Variants in CTRB1 observed in about 807,000 individuals in gnomAD.
CTRB1 encodes the protein chymotrypsinogen B.
CTRB1 carries 15 observed loss-of-function variants against 20.4 expected under a neutral mutation model. The ratio of observed to expected loss-of-function variants is 0.74; its 90% CI spans 0.49 to 1.13. The LOEUF is 1.13. CTRB1 is among the 50% of genes most tolerant of loss of function. The pLI, the probability that CTRB1 is intolerant of heterozygous loss-of-function variation, is 0.00. For synonymous variants in CTRB1, 92 were observed against 128.4 expected (o/e 0.72, Z 1.92); for missense variants, 227 against 290.1 (o/e 0.78, Z 1.58).
rs527854815 is a variant in CTRB1, at chr16:75,222,240, C to T, written c.53-528C>T. ...ATTCAACCTGCCCACCCAGGGTCCA[C>T]GGTGCCATTTCACTCTCCCGTCTGC... On this transcript the variant is annotated intron_variant, in intron 1 of 6. Transcript: ENST00000361017. 5.3e-5 allele frequency among the ~76,000 whole-genome samples: 8 copies of T among 152,094 alleles called. No individual in the cohort carries two copies. In the South Asian group the frequency reaches 6.2e-4, roughly 12 times the overall value.
intron 6 of CTRB1, 73 bp downstream of exon 6, chr16:75,224,261 C>G: frequency 6.5e-7 from 1 of 1,533,532 alleles, no homozygotes; most frequent in South Asian, 1.2e-5. Context: ...CCACCCCTCT[C>G]TGCTCTCATC....
chr16:75,220,900 A>T (rs893864847), intron 1 of CTRB1, among the ~76,000 whole-genome samples: 1 of 152,126 alleles, frequency 6.6e-6, no homozygotes, highest in Non-Finnish European at 1.5e-5. Context: ...CTGGAACTAC[A>T]GGCATGAGCC....
At chr16:75,222,260 G>T (rs552595329) in intron 1 of CTRB1, among the ~76,000 whole-genome samples, 1 of 151,980 alleles carries the variant, frequency 6.6e-6, no homozygotes, top group Non-Finnish European at 1.5e-5. Flanking sequence ...TCACTCTCCC[G>T]TCTGCAAATT....
intron 1 of CTRB1, among the ~76,000 whole-genome samples, chr16:75,220,757 ATTT>A (rs1206250101): frequency 6.2e-4 from 8 of 12,834 alleles, no homozygotes; most frequent in African/African-American, 1.5e-3. Flanking sequence ...TAGTTCTCTT[ATTT>A]ATTTATTTAT....
chr16:75,221,743 C>T (rs1325341653), intron 1 of CTRB1, among the ~76,000 whole-genome samples: 1 of 151,570 alleles, frequency 6.6e-6, no homozygotes, highest in Non-Finnish European at 1.5e-5. Context: ...GAGATCAAGG[C>T]AATAGGATTG....
intron 1 of CTRB1, among the ~76,000 whole-genome samples, chr16:75,220,608 C>T (rs1256000639): frequency 1.3e-5 from 2 of 152,166 alleles, no homozygotes; most frequent in African/African-American, 2.4e-5. Context: ...GTAACTAATA[C>T]TCCATTCTAC....
At chr16:75,224,651 G>A (rs1567571343) in intron 6 of CTRB1, 54 bp from the exon 7 acceptor site, 1 of 1,555,616 alleles carries the variant, frequency 6.4e-7, no homozygotes. Flanking sequence ...AGTGGCCCCT[G>A]GGACCAGTCT....
chr16:75,221,408 G>T (rs1270496326), intron 1 of CTRB1, among the ~76,000 whole-genome samples: 3 of 152,122 alleles, frequency 2.0e-5, no homozygotes, highest in Admixed American at 6.5e-5. Flanking sequence ...CACCCAGGCT[G>T]GAGTGCAGTG....
At position 75,222,870 on chromosome 16, in the gene CTRB1, A is replaced by C. The variant is rs1366487441; in HGVS notation, c.155A>C (p.Gln52Pro). Residue 52 changes from glutamine to proline, a missense_variant and splice_region_variant, in exon 2 of 7, where the codon CAG (glutamine) becomes CCG (proline). Gln to Pro is a moderately conservative substitution (Grantham distance 76). Transcript: ENST00000361017. ...TCCTGGCCCTGGCAGGTGTCCCTGC[A>C]GGTGAGGGGGTTCTGCAAGGTGGGG... is the stretch of plus-strand genomic sequence containing the variant. ...PGSWPWQVSL[Q>P]DKTGFHFCGG... 2.6e-6 allele frequency: 4 copies of C among 1,510,068 alleles called. No homozygotes were observed. Among genetic ancestry groups the C allele is most frequent in the Admixed American group, 2.1e-5 (1 of 48,776 alleles). The allele number at this position is 1,510,068 out of a possible 1,614,324, so 93.5% of individuals were successfully genotyped here.
chr16:75,221,057 T>G lies in CTRB1; in HGVS notation c.53-1711T>G, dbSNP rs114795203. The stretch of plus-strand genomic sequence containing the variant: ...TTTTTTTGCTATTACAATACCAGTT[T>G]TTGATGCTCTGAAACGTCAGGGAGG... On this transcript the variant is annotated intron_variant, in intron 1 of 6. Transcript: ENST00000361017. 9.7e-3 allele frequency among the ~76,000 whole-genome samples: 1,482 copies of G among 152,296 alleles called. 21 individuals carry two copies. The highest frequency in any genetic ancestry group is 0.034 in the African/African-American group (1,411 of 41,562).
intron 1 of CTRB1, among the ~76,000 whole-genome samples, chr16:75,221,337 G>A (rs775508896): frequency 1.3e-5 from 2 of 152,078 alleles, no homozygotes; most frequent in African/African-American, 2.4e-5. Flanking sequence ...ATTTTATGGT[G>A]TGGAAGTAAA....
chr16:75,224,181 C>A lies in CTRB1; in HGVS notation c.623C>A (p.Ser208Tyr). 1 of 1,474,062 alleles carries A rather than the reference C, an allele frequency of 6.8e-7. No homozygotes were observed. The highest frequency in any genetic ancestry group is 9.1e-7 in the Non-Finnish European group (1 of 1,104,634). 91.3% of individuals were successfully genotyped at this position (1,474,062 alleles called of 1,614,324 possible). Residue 208 changes from serine to tyrosine, a missense_variant, in exon 6 of 7, where the codon TCC (serine) becomes TAC (tyrosine). This residue lies in a region of CTRB1 where 108 missense variants were observed against 76.9 expected (regional missense o/e 1.41). Transcript: ENST00000361017. ...MICAGASGVS[S>Y]CMGDSGGPLV... ...TGTGCCGGGGCCAGTGGCGTCTCCT[C>A]CTGCATGGTGAGGCTGGCCCTGCCC...
chr16:75,221,882 G>C (rs1390038919), intron 1 of CTRB1, among the ~76,000 whole-genome samples: 1 of 151,392 alleles, frequency 6.6e-6, no homozygotes, highest in African/African-American at 2.4e-5. Context: ...CTAACACGGT[G>C]AAACCCCGTC....
chr16:75,220,917 C>T (rs543374058), intron 1 of CTRB1, among the ~76,000 whole-genome samples: 2 of 152,250 alleles, frequency 1.3e-5, no homozygotes, highest in South Asian at 2.1e-4. Flanking sequence ...AGCCACCACC[C>T]CAGCTAATTT....
In CTRB1 at chr16:75,224,570, A is replaced by T. The variant is rs190099371; in HGVS notation, c.631-135A>T. On this transcript the variant is annotated intron_variant, in intron 6 of 6. Transcript: ENST00000361017. ...TAAGCAGCTACTAGGGTCTTTCATA[A>T]CCCACGCAACAGCACATGCTGAGCC... 3.1e-5 allele frequency: 33 copies of T among 1,076,810 alleles called. No homozygotes were observed. In the East Asian group the frequency reaches 7.6e-4, roughly 25 times the overall value. 66.7% of individuals were successfully genotyped at this position (1,076,810 alleles called of 1,614,324 possible).
intron 1 of CTRB1, among the ~76,000 whole-genome samples, chr16:75,222,401 A>G (rs1451367261): frequency 6.6e-6 from 1 of 152,146 alleles, no homozygotes; most frequent in Non-Finnish European, 1.5e-5. Context: ...TTTATAGCTG[A>G]GGACACCAAG....
intron 1 of CTRB1, 69 bp downstream of exon 1, chr16:75,219,128 C>T: frequency 2.0e-6 from 3 of 1,499,170 alleles, no homozygotes; most frequent in Non-Finnish European, 1.8e-6. Context: ...GGATCTGAGT[C>T]CCCTGCTCTG....
In CTRB1 at chr16:75,224,165, G is replaced by T. The variant is rs760394802; in HGVS notation, c.607G>T (p.Ala203Ser). 42 of 1,491,294 alleles carry T rather than the reference G, an allele frequency of 2.8e-5. 1 individual carries two copies. Among genetic ancestry groups the T allele is most frequent in the South Asian group, 1.9e-4 (15 of 80,632 alleles). 92.4% of individuals were successfully genotyped at this position (1,491,294 alleles called of 1,614,324 possible). Residue 203 changes from alanine to serine, a missense_variant, in exon 6 of 7, where the codon GCC (alanine) becomes TCC (serine). Transcript: ENST00000361017. ...RITDVMICAG[A>S]SGVSSCMGDS... is the part of the protein sequence containing the mutation. ...CACCGACGTGATGATCTGTGCCGGG[G>T]CCAGTGGCGTCTCCTCCTGCATGGT...
intron 1 of CTRB1, 44 bp from the exon 2 acceptor site, chr16:75,222,724 G>T (rs965178588): frequency 6.5e-7 from 1 of 1,532,354 alleles, no homozygotes; most frequent in East Asian, 2.5e-5. Flanking sequence ...TGAGGCCCAG[G>T]TGGGTTTGGG....
Sources: gnomAD v4.1 joint callset for allele counts (sites outside exome capture counted in the v4.1 genomes callset) on GRCh38, gnomAD v4.1.1 for gene constraint, gnomAD v4.1.1 regional missense constraint, MANE v1.5 for transcripts, NCBI Gene and HGNC (gene_info 2026-07-23, HGNC 2026-07-21) for gene names.